Variants in PPIL4 observed in about 807,000 individuals in gnomAD.
PPIL4 encodes peptidylprolyl isomerase like 4.
Under a neutral mutation model 69.1 loss-of-function variants are expected in PPIL4, and 50 were observed. The ratio of observed to expected loss-of-function variants is 0.72; its 90% CI spans 0.58 to 0.92. The LOEUF is 0.92. Among genes scored for constraint, PPIL4 ranks in the 40% least tolerant of loss-of-function variants. PPIL4 has a pLI of 0.00. For synonymous variants in PPIL4, 193 were observed against 191.6 expected, an observed-to-expected ratio of 1.01 and a Z score of -0.06; for missense variants, 480 against 587.9, an observed-to-expected ratio of 0.82 and a Z score of 1.90.
intron 1 of PPIL4, among the ~76,000 whole-genome samples, chr6:149,544,458 T>C (rs1327391664): frequency 6.6e-6 from 1 of 152,228 alleles, no homozygotes; most frequent in Non-Finnish European, 1.5e-5. Context: ...ACTCAGGATA[T>C]AGAGATGATA....
At chr6:149,510,324 G>A (rs368363991) in intron 12 of PPIL4, among the ~76,000 whole-genome samples, 4 of 152,164 alleles carry the variant, frequency 2.6e-5, no homozygotes, top group East Asian at 3.9e-4. Flanking sequence ...AAAGGGGAGG[G>A]AACAAGAATG....
Position 149,541,566 on chromosome 6 carries a change from G to A in PPIL4, c.91C>T (p.Leu31=), listed in dbSNP as rs943005313. 25 of 1,578,610 alleles carry A rather than the reference G, an allele frequency of 1.6e-5. No homozygotes were observed. Among genetic ancestry groups the A allele is most frequent in the Non-Finnish European group, 1.9e-5 (22 of 1,149,868 alleles). Residue 31 remains leucine (L), a synonymous_variant, in exon 2 of 13, where the codon CTG becomes TTG. Coordinates refer to ENST00000253329, the MANE Select transcript of PPIL4 (RefSeq NM_139126.4). ...RPRACLNFLK[L]CKIKYYNYCL... ...TAATTGTAATATTTTATTTTGCACA[G>A]TTTCAAGAAATTCAAGCAGGCTGAA...
chr6:149,508,212 G>GA (rs751626293), intron 12 of PPIL4, among the ~76,000 whole-genome samples: 27 of 152,030 alleles, frequency 1.8e-4, no homozygotes, highest in African/African-American at 2.4e-4. Flanking sequence ...GAATAATGGG[G>GA]AAAAAATCCA....
intron 1 of PPIL4, among the ~76,000 whole-genome samples, chr6:149,542,216 G>A (rs2115041574): frequency 6.6e-6 from 1 of 152,072 alleles, no homozygotes; most frequent in East Asian, 1.9e-4. Flanking sequence ...TAGTAGAAAA[G>A]GATCTAGCAG....
intron 1 of PPIL4, among the ~76,000 whole-genome samples, chr6:149,543,057 G>A (rs1777387360): frequency 6.6e-6 from 1 of 152,096 alleles, no homozygotes; most frequent in South Asian, 2.1e-4. Context: ...ATCATCAATG[G>A]CTGCCAAAAT....
intron 12 of PPIL4, among the ~76,000 whole-genome samples, chr6:149,507,092 T>C (rs1188188902): frequency 6.6e-6 from 1 of 152,220 alleles, no homozygotes; most frequent in Non-Finnish European, 1.5e-5. Flanking sequence ...TTCTAAGGAC[T>C]AAACTCCCAA....
chr6:149,516,160 T>C (rs1776940483), intron 11 of PPIL4, among the ~76,000 whole-genome samples: 3 of 152,234 alleles, frequency 2.0e-5, no homozygotes, highest in Admixed American at 6.5e-5. Context: ...AAGCCTAAAT[T>C]TAATTTCAAA....
chr6:149,525,236 TAAAAA>T, intron 8 of PPIL4, 27 bp from the exon 9 acceptor site: 1 of 949,614 alleles, frequency 1.1e-6, no homozygotes, highest in Non-Finnish European at 1.5e-6. Flanking sequence ...AAAAGTGACT[TAAAAA>T]AAAAAAAAAG....
chr6:149,535,671 G>A lies in PPIL4; in HGVS notation c.389C>T (p.Thr130Ile), dbSNP rs1777265535. 1 of 1,610,984 alleles carries A rather than the reference G, an allele frequency of 6.2e-7. No individual in the cohort carries two copies. The highest frequency in any genetic ancestry group is 8.5e-7 in the Non-Finnish European group (1 of 1,177,398). ...DGVHTVFGEVTEGMDIIKKIN... is the reference protein window; with the variant it reads ...DGVHTVFGEVIEGMDIIKKIN... ...TTTCTTAATTATGTCCATGCCTTCT[G>A]TCACCTCACCAAACACCGTATGGAC... The change falls in exon 5 of 13, where the codon ACA (threonine) becomes ATA (isoleucine). Residue 130 changes from threonine (T) to isoleucine (I), a missense_variant. By Grantham distance (89) the Thr-to-Ile change is moderately conservative (BLOSUM62 -1). Coordinates refer to ENST00000253329, the MANE Select transcript of PPIL4 (RefSeq NM_139126.4).
chr6:149,512,006 A>G, intron 12 of PPIL4, 149 bp downstream of exon 12: 1 of 546,756 alleles, frequency 1.8e-6, no homozygotes, highest in Non-Finnish European at 3.2e-6. Context: ...TTAAAATCCC[A>G]TACCCCAGTG....
rs749717599 is a variant in PPIL4, at chr6:149,533,456, A to G, written c.678+2T>C. The G allele has an allele frequency of 1.4e-6, 2 of 1,442,122 alleles. No individual in the cohort carries two copies. The highest frequency in any genetic ancestry group is 2.0e-6 in the Non-Finnish European group (2 of 1,024,094). 89.3% of individuals were successfully genotyped at this position (1,442,122 alleles called of 1,614,324 possible). The stretch of plus-strand genomic sequence containing the variant: ...CAATTTGAACAAAGATAATTATCTT[A>G]CCATCTCCAAAAGTATAGCCTGAGT... On this transcript the variant is annotated splice_donor_variant, in intron 7 of 12. Coordinates refer to ENST00000253329, the MANE Select transcript of PPIL4 (RefSeq NM_139126.4). LOFTEE classifies it high-confidence loss of function.
chr6:149,527,520 T>C (rs985784841), intron 7 of PPIL4, among the ~76,000 whole-genome samples: 2 of 152,212 alleles, frequency 1.3e-5, no homozygotes, highest in Admixed American at 1.3e-4. Flanking sequence ...AAGTATTTGA[T>C]ATATTTTTTA....
chr6:149,512,200 T>C lies in PPIL4; in HGVS notation c.1182A>G (p.Glu394=). ...GCATGTAGTCCTCATCTTCTTTCTC[T>C]TCAGAACAGTGATGGGTTTTCTTCT... ...KHKKKTHHCS[E]EKEDEDYMPI... is the part of the protein sequence containing the mutation. Residue 394 remains glutamate (E), a synonymous_variant, in exon 12 of 13, where the codon GAA becomes GAG. Transcript: ENST00000253329. 1 of 1,613,624 alleles carries C rather than the reference T, an allele frequency of 6.2e-7. No homozygotes were observed. The highest frequency in any genetic ancestry group is 8.5e-7 in the Non-Finnish European group (1 of 1,179,654).
intron 1 of PPIL4, among the ~76,000 whole-genome samples, chr6:149,543,477 TCAC>T (rs1182693907): frequency 6.6e-6 from 1 of 152,224 alleles, no homozygotes; most frequent in Non-Finnish European, 1.5e-5. Flanking sequence ...CTAATTTAAA[TCAC>T]CATATTTTTT....
intron 11 of PPIL4, among the ~76,000 whole-genome samples, chr6:149,514,771 T>C (rs1029419241): frequency 1.2e-3 from 179 of 151,684 alleles, no homozygotes; most frequent in African/African-American, 4.0e-3. Context: ...TTCAAGTGTG[T>C]GTGTGTGTGT....
intron 7 of PPIL4, among the ~76,000 whole-genome samples, chr6:149,531,144 G>T (rs921138191): frequency 6.6e-6 from 1 of 152,022 alleles, no homozygotes; most frequent in Non-Finnish European, 1.5e-5. Context: ...CAGGAGGATC[G>T]CCTGAGGTCG....
At chr6:149,506,738 G>A (rs1345127149) in intron 12 of PPIL4, among the ~76,000 whole-genome samples, 1 of 152,096 alleles carries the variant, frequency 6.6e-6, no homozygotes, top group Non-Finnish European at 1.5e-5. Context: ...GAGACCACAG[G>A]CATGTGCCAT....
At position 149,535,640 on chromosome 6, in the gene PPIL4, A is replaced by G; in HGVS notation, c.420T>C (p.Asn140=). 1 of 1,612,932 alleles carries G rather than the reference A, an allele frequency of 6.2e-7. No individual in the cohort carries two copies. The highest frequency in any genetic ancestry group is 1.3e-5 in the African/African-American group (1 of 75,048). Residue 140 remains asparagine, a synonymous_variant, in exon 5 of 13, where the codon AAT becomes AAC. Coordinates refer to ENST00000253329, the MANE Select transcript of PPIL4 (RefSeq NM_139126.4). Reference sequence around the variant, plus strand: ...CAAAGTCCTTGTCAACAAAGGTCTCATTAATTTTCTTAATTATGTCCATGC... The same window carrying G: ...CAAAGTCCTTGTCAACAAAGGTCTCGTTAATTTTCTTAATTATGTCCATGC... ...TEGMDIIKKI[N]ETFVDKDFVP...
chr6:149,540,045 C>T lies in PPIL4; in HGVS notation c.321+897G>A, dbSNP rs1201706742. Among the ~76,000 whole-genome samples the T allele has an allele frequency of 2.0e-5, 3 of 152,234 alleles. No individual in the cohort carries two copies. The East Asian group carries it at 5.8e-4, about 29-fold the overall frequency. On this transcript the variant is annotated intron_variant, in intron 4 of 12. Transcript: ENST00000253329. ...TCGGGAGGCTGAGGCAGGAGAATCG[C>T]TTGAACCTGAGAGGCGGAGGTTGCA...
Sources: gnomAD v4.1 joint callset for allele counts (sites outside exome capture counted in the v4.1 genomes callset) on GRCh38, gnomAD v4.1.1 for gene constraint, MANE v1.5 for transcripts, NCBI Gene and HGNC (gene_info 2026-07-23, HGNC 2026-07-21) for gene names.